TMC5: variants seen among roughly 807,000 people sequenced by gnomAD.
TMC5 encodes the protein transmembrane channel like 5.
Under a neutral mutation model 110.5 loss-of-function variants are expected in TMC5, and 86 were observed. The ratio of observed to expected loss-of-function variants is 0.78; its 90% CI spans 0.65 to 0.93. The LOEUF is 0.93. Ranked by LOEUF, TMC5 falls within the 40% of genes least tolerant of loss-of-function variation. The pLI is 0.00. For synonymous variants in TMC5, 455 were observed against 439.5 expected, an observed-to-expected ratio of 1.04 and a Z score of -0.44; for missense variants, 1,144 against 1,222.8, an observed-to-expected ratio of 0.94 and a Z score of 0.96.
At chr16:19,489,535 C>T (rs998950092) in intron 17 of TMC5, among the ~76,000 whole-genome samples, 2 of 151,912 alleles carry the variant, frequency 1.3e-5, no homozygotes, top group Non-Finnish European at 2.9e-5. Flanking sequence ...AGGGTTTCAC[C>T]GTGTTAGCCA....
intron 6 of TMC5, among the ~76,000 whole-genome samples, chr16:19,461,052 G>A (rs1216797893): frequency 3.3e-5 from 5 of 152,176 alleles, no homozygotes; most frequent in African/African-American, 4.8e-5. Flanking sequence ...TATCCTGGAC[G>A]AGATCCTGGA....
At chr16:19,491,315 T>C (rs1030700008) in intron 18 of TMC5, among the ~76,000 whole-genome samples, 1 of 151,670 alleles carries the variant, frequency 6.6e-6, no homozygotes, top group Non-Finnish European at 1.5e-5. Context: ...CAAGCTTGCA[T>C]TGATAGTTTT....
chr16:19,448,987 T>A (rs112801219), intron 4 of TMC5, among the ~76,000 whole-genome samples: 10,503 of 149,784 alleles, frequency 0.07, 758 homozygotes, highest in African/African-American at 0.19. Flanking sequence ...GCCTCCCGAG[T>A]AGCTGGGACT....
intron 14 of TMC5, among the ~76,000 whole-genome samples, chr16:19,479,944 A>AG: frequency 6.6e-6 from 1 of 151,962 alleles, no homozygotes; most frequent in South Asian, 2.1e-4. Context: ...AAAAAAAAAA[A>AG]AAAGAAGAAG....
intron 3 of TMC5, 29 bp downstream of exon 3, chr16:19,440,855 G>A (rs1408702848): frequency 1.3e-6 from 2 of 1,588,204 alleles, no homozygotes; most frequent in Non-Finnish European, 8.6e-7. Context: ...CCCTTCACTG[G>A]GAGTGGATGC....
At chr16:19,482,455 A>G (rs1597211823) in intron 15 of TMC5, among the ~76,000 whole-genome samples, 4 of 152,348 alleles carry the variant, frequency 2.6e-5, no homozygotes, top group Admixed American at 2.0e-4. Context: ...GAGATTTCAC[A>G]TAACACCTAA....
intron 17 of TMC5, 48 bp downstream of exon 17, chr16:19,487,374 G>A: frequency 2.5e-6 from 4 of 1,580,834 alleles, no homozygotes; most frequent in Non-Finnish European, 3.4e-6. Context: ...GGGTGGATGG[G>A]TGTGTGTTTT....
intron 5 of TMC5, among the ~76,000 whole-genome samples, chr16:19,459,241 G>T (rs1389321704): frequency 6.6e-6 from 1 of 152,128 alleles, no homozygotes; most frequent in Non-Finnish European, 1.5e-5. Context: ...CCTCAAGGAA[G>T]CTCAGGGCCA....
At chr16:19,460,848 G>C (rs756063145) in intron 6 of TMC5, among the ~76,000 whole-genome samples, 2 of 152,206 alleles carry the variant, frequency 1.3e-5, no homozygotes, top group Non-Finnish European at 2.9e-5. Context: ...CTATCATGGA[G>C]TGGAAAGTTC....
intron 5 of TMC5, chr16:19,456,357 T>C: frequency 1.5e-6 from 1 of 657,422 alleles, no homozygotes; most frequent in Non-Finnish European, 1.9e-6. Context: ...CCTTTGACTA[T>C]GAGTCATTTA....
At chr16:19,477,584 G>T in intron 13 of TMC5, 66 bp downstream of exon 13, 1 of 1,093,148 alleles carries the variant, frequency 9.1e-7, no homozygotes, top group Non-Finnish European at 1.3e-6. Flanking sequence ...GGAGGACAGG[G>T]GTTTCTCAAG....
rs754366926 is a variant in TMC5, at chr16:19,490,561, A to C, written c.2740A>C (p.Ile914Leu). Residue 914 changes from isoleucine (I) to leucine (L), a missense_variant, in exon 18 of 22, where the codon ATT becomes CTT. Physicochemically the swap from Ile to Leu is conservative, Grantham distance 5. Coordinates refer to ENST00000542583, the MANE Select transcript of TMC5 (RefSeq NM_001261841.2). ...SVHFFFILTL[I>L]VLIITYLYWQ... ...GCACTTCTTTTTCATCCTCACCCTC[A>C]TTGTGCTGTGAGTGTGGTACCCGGG... The C allele has an allele frequency of 6.8e-6, 11 of 1,613,894 alleles. No homozygotes were observed. Among genetic ancestry groups the C allele is most frequent in the Non-Finnish European group, 9.3e-6 (11 of 1,179,974 alleles).
At position 19,467,151 on chromosome 16, in the gene TMC5, AAGAG is replaced by A. The variant is rs538785888; in HGVS notation, c.1637+924_1637+927del. Among the ~76,000 whole-genome samples, 6 of 152,114 alleles carry A rather than the reference AAGAG, an allele frequency of 3.9e-5. No homozygotes were observed. In the Middle Eastern group the frequency reaches 0.014, roughly 345 times the overall value. On this transcript the variant is annotated intron_variant, in intron 9 of 21. Coordinates refer to ENST00000542583, the MANE Select transcript of TMC5 (RefSeq NM_001261841.2). Reference sequence around the variant, plus strand: ...ACTGGAGATCCTGTTTCAAAAAAAAAAGAGAGAGAAAGAAAGAAAAGCAACATGC... The same window carrying A: ...ACTGGAGATCCTGTTTCAAAAAAAAAAGAGAAAGAAAGAAAAGCAACATGC...
intron 10 of TMC5, among the ~76,000 whole-genome samples, chr16:19,470,777 T>C: frequency 7.6e-6 from 1 of 130,880 alleles, no homozygotes; most frequent in Non-Finnish European, 1.6e-5. Flanking sequence ...CTCATGCCTC[T>C]AATCCCAGCA....
intron 20 of TMC5, among the ~76,000 whole-genome samples, chr16:19,494,735 A>G (rs1969007002): frequency 1.3e-5 from 2 of 152,046 alleles, no homozygotes. Flanking sequence ...TGAACCCAGG[A>G]GGTGGAGGTT....
At position 19,477,459 on chromosome 16, in the gene TMC5, T is replaced by A; in HGVS notation, c.2110T>A (p.Ser704Thr). ...GTTTAGAAACATCTTTTTGAAAATA[T>A]CAATCATTGGCATTCTTTGTTACTA... ...LLIRNIFLKI[S>T]IIGILCYYWL... Residue 704 changes from serine (S) to threonine (T), a missense_variant, in exon 13 of 22, where the codon TCA becomes ACA. By Grantham distance (58) the Ser-to-Thr change is moderately conservative. Transcript: ENST00000542583. The A allele has an allele frequency of 6.2e-7, 1 of 1,612,818 alleles. No homozygotes were observed. Among genetic ancestry groups the A allele is most frequent in the Non-Finnish European group, 8.5e-7 (1 of 1,179,108 alleles).
At chr16:19,455,832 A>G (rs1218808313) in intron 5 of TMC5, among the ~76,000 whole-genome samples, 1 of 152,208 alleles carries the variant, frequency 6.6e-6, no homozygotes, top group East Asian at 1.9e-4. Context: ...AGCAGAGTCC[A>G]CTACCTAAGG....
At position 19,469,807 on chromosome 16, in the gene TMC5, T is replaced by A. The variant is rs145413285; in HGVS notation, c.1764T>A (p.Asn588Lys). Reference protein sequence around the residue: ...HEKAVKLKQKNLSTEIRENLS... With the variant: ...HEKAVKLKQKKLSTEIRENLS... Reference sequence around the variant, plus strand: ...AAGCTGTGAAGCTAAAACAGAAGAATCTTAGCACTGAGATAAGGGTAAGGC... The same window carrying A: ...AAGCTGTGAAGCTAAAACAGAAGAAACTTAGCACTGAGATAAGGGTAAGGC... The change falls in exon 10 of 22, where the codon AAT (asparagine) becomes AAA (lysine). Residue 588 changes from asparagine to lysine, a missense_variant. Asn to Lys is a moderately conservative substitution (Grantham distance 94). Coordinates refer to ENST00000542583, the MANE Select transcript of TMC5 (RefSeq NM_001261841.2). 35 of 1,613,972 alleles carry A rather than the reference T, an allele frequency of 2.2e-5. No homozygotes were observed. The highest frequency in any genetic ancestry group is 2.6e-5 in the Non-Finnish European group (31 of 1,179,966).
At chr16:19,458,554 AT>A (rs1297885787) in intron 5 of TMC5, among the ~76,000 whole-genome samples, 2 of 152,148 alleles carry the variant, frequency 1.3e-5, no homozygotes, top group East Asian at 3.9e-4. Context: ...TATTCCAGGC[AT>A]AAAGTCAAGC....
Sources: gnomAD v4.1 joint callset for allele counts (sites outside exome capture counted in the v4.1 genomes callset) on GRCh38, gnomAD v4.1.1 for gene constraint, MANE v1.5 for transcripts, NCBI Gene and HGNC (gene_info 2026-07-23, HGNC 2026-07-21) for gene names.